KSR2: variants seen among roughly 807,000 people sequenced by gnomAD.
KSR2 encodes the protein kinase suppressor of ras 2.
KSR2 carries 25 observed loss-of-function variants against 107.8 expected under a neutral mutation model. The ratio of observed to expected loss-of-function variants is 0.23; its 90% CI spans 0.17 to 0.32. The LOEUF (loss-of-function observed/expected upper bound fraction) is 0.32, where lower values mean the gene tolerates loss of function less well. KSR2 is among the 10% of genes least tolerant of loss of function. The pLI is 1.00. For missense variants in KSR2, 887 were observed against 1,268.9 expected (o/e 0.70, Z 4.57); for synonymous variants, 480 against 507.0 (o/e 0.95, Z 0.71).
chr12:117,506,707 G>A (rs1873703937), intron 14 of KSR2, among the ~76,000 whole-genome samples: 1 of 152,170 alleles, frequency 6.6e-6, no homozygotes, highest in South Asian at 2.1e-4. Flanking sequence ...TGAGATGGGA[G>A]GAAAGAGAAA....
intron 18 of KSR2, among the ~76,000 whole-genome samples, chr12:117,470,192 TTATC>T (rs1282218897): frequency 8.5e-6 from 1 of 118,000 alleles, no homozygotes; most frequent in Admixed American, 9.0e-5. Flanking sequence ...TCATCTTTCA[TTATC>T]CATCCATCCA....
intron 1 of KSR2, among the ~76,000 whole-genome samples, chr12:117,959,993 G>A (rs937170369): frequency 2.0e-5 from 3 of 150,386 alleles, no homozygotes; most frequent in Non-Finnish European, 4.4e-5. Context: ...CCTATGACCA[G>A]CTTCTGTCTC....
At chr12:117,781,115 G>T (rs1889870734) in intron 3 of KSR2, among the ~76,000 whole-genome samples, 1 of 152,188 alleles carries the variant, frequency 6.6e-6, no homozygotes, top group South Asian at 2.1e-4. Flanking sequence ...CACAAGATCT[G>T]ATGGTTTTAT....
intron 5 of KSR2, among the ~76,000 whole-genome samples, chr12:117,584,581 AC>A (rs1848802833): frequency 6.6e-6 from 1 of 152,206 alleles, no homozygotes. Context: ...AATGTCTGCC[AC>A]GGGTGAAGAA....
At chr12:117,711,592 C>T (rs927579112) in intron 4 of KSR2, among the ~76,000 whole-genome samples, 2 of 152,136 alleles carry the variant, frequency 1.3e-5, no homozygotes, top group Non-Finnish European at 1.5e-5. Context: ...TTGCTAATTA[C>T]CATTATGTGT....
intron 19 of KSR2, 110 bp downstream of exon 19, chr12:117,469,552 T>G: frequency 7.7e-7 from 1 of 1,305,342 alleles, no homozygotes; most frequent in Non-Finnish European, 1.1e-6. Flanking sequence ...GGTGGGCACA[T>G]GGATAGGAGC....
At chr12:117,654,977 C>A (rs1884078307) in intron 5 of KSR2, among the ~76,000 whole-genome samples, 1 of 152,206 alleles carries the variant, frequency 6.6e-6, no homozygotes. Context: ...CCAAGGCTGA[C>A]CTGGCTACGG....
intron 3 of KSR2, among the ~76,000 whole-genome samples, chr12:117,830,457 T>C (rs2137111649): frequency 6.6e-6 from 1 of 151,984 alleles, no homozygotes; most frequent in South Asian, 2.1e-4. Flanking sequence ...TGTCATACAA[T>C]ATACCAATGT....
At chr12:117,503,632 G>A (rs932247962) in intron 14 of KSR2, among the ~76,000 whole-genome samples, 14 of 152,154 alleles carry the variant, frequency 9.2e-5, no homozygotes, top group African/African-American at 3.1e-4. Flanking sequence ...AGAAATAAAC[G>A]TTCTGAGTAG....
At chr12:117,871,572 G>A (rs953675839) in intron 1 of KSR2, among the ~76,000 whole-genome samples, 1 of 151,340 alleles carries the variant, frequency 6.6e-6, no homozygotes, top group Non-Finnish European at 1.5e-5. Context: ...CTCCAGCCTG[G>A]GCAACAGAAT....
chr12:117,892,676 G>T (rs1316895506), intron 1 of KSR2, among the ~76,000 whole-genome samples: 1 of 150,740 alleles, frequency 6.6e-6, no homozygotes, highest in Non-Finnish European at 1.5e-5. Flanking sequence ...CTGCTTTTGT[G>T]CTCCAACTGC....
intron 1 of KSR2, among the ~76,000 whole-genome samples, chr12:117,904,934 C>T (rs894814931): frequency 6.6e-6 from 1 of 152,194 alleles, no homozygotes; most frequent in Non-Finnish European, 1.5e-5. Context: ...GTAATCCCAG[C>T]AGTTTGGGAG....
chr12:117,482,914 TG>T (rs1872255501), intron 16 of KSR2, among the ~76,000 whole-genome samples: 1 of 152,238 alleles, frequency 6.6e-6, no homozygotes, highest in South Asian at 2.1e-4. Flanking sequence ...TGCAAATACT[TG>T]GGTTGACAGT....
intron 1 of KSR2, among the ~76,000 whole-genome samples, chr12:117,933,021 T>C (rs1206482518): frequency 6.6e-6 from 1 of 151,298 alleles, no homozygotes; most frequent in Non-Finnish European, 1.5e-5. Flanking sequence ...TCAAAATAAA[T>C]AAATAAATAA....
chr12:117,863,060 T>C (rs1216882141), intron 1 of KSR2, among the ~76,000 whole-genome samples: 2 of 151,964 alleles, frequency 1.3e-5, no homozygotes, highest in African/African-American at 2.4e-5. Flanking sequence ...AAAGAACATG[T>C]CAACTTTCTT....
chr12:117,760,556 T>C (rs1345934494), intron 4 of KSR2, among the ~76,000 whole-genome samples: 1 of 152,228 alleles, frequency 6.6e-6, no homozygotes, highest in Non-Finnish European at 1.5e-5. Flanking sequence ...AGTTGAAGGT[T>C]AATATATGCC....
At chr12:117,748,455 C>CA (rs1488616271) in intron 4 of KSR2, among the ~76,000 whole-genome samples, 6 of 151,898 alleles carry the variant, frequency 4.0e-5, no homozygotes, top group Non-Finnish European at 7.4e-5. Context: ...ACTCTCATCA[C>CA]AAAAAAATAA....
Position 117,866,887 on chromosome 12 carries a change from A to C in KSR2, c.181-6456T>G, listed in dbSNP as rs556516245. ...AAGAAAATACACAGATATGGCAAAA[A>C]GTATGATGGTGGTATCAAACTGATG... On this transcript the variant is annotated intron_variant, in intron 1 of 19. Coordinates refer to ENST00000339824, the MANE Select transcript of KSR2 (RefSeq NM_173598.6). 2.8e-4 allele frequency among the ~76,000 whole-genome samples: 42 copies of C among 152,270 alleles called. No homozygotes were observed. The Middle Eastern group carries it at 0.01, about 37-fold the overall frequency.
At chr12:117,761,572 C>A (rs1413544067) in intron 3 of KSR2, 48 bp from the exon 4 acceptor site, 7 of 1,588,846 alleles carry the variant, frequency 4.4e-6, no homozygotes, top group Non-Finnish European at 5.2e-6. Flanking sequence ...CATGAGAAAG[C>A]CAGGTGAGTT....
Sources: allele counts gnomAD v4.1 joint callset (sites outside exome capture counted in the v4.1 genomes callset), GRCh38; gene constraint gnomAD v4.1.1; transcripts MANE v1.5; gene names NCBI Gene and HGNC (gene_info 2026-07-23, HGNC 2026-07-21).